Variants in SENP7 observed in about 807,000 individuals in gnomAD.
SENP7 encodes sentrin-specific protease 7.
SENP7 carries 64 observed loss-of-function variants against 141.2 expected under a neutral mutation model. The ratio of observed to expected loss-of-function variants is 0.45; its 90% CI spans 0.37 to 0.56. The LOEUF (loss-of-function observed/expected upper bound fraction) is 0.56, where lower values mean the gene tolerates loss of function less well. Ranked by LOEUF, SENP7 falls within the 20% of genes least tolerant of loss-of-function variation. SENP7 has a pLI of 0.00. For synonymous variants in SENP7, 382 were observed against 426.4 expected (o/e 0.90, Z 1.28); for missense variants, 1,025 against 1,212.2 (o/e 0.85, Z 2.29).
At chr3:101,368,328 T>C (rs2060090461) in intron 7 of SENP7, among the ~76,000 whole-genome samples, 2 of 151,212 alleles carry the variant, frequency 1.3e-5, no homozygotes, top group African/African-American at 4.9e-5. Flanking sequence ...TGCATTTGGC[T>C]GTACTATCAA....
chr3:101,376,607 G>A (rs1013284896), intron 6 of SENP7, among the ~76,000 whole-genome samples: 4 of 151,960 alleles, frequency 2.6e-5, no homozygotes, highest in African/African-American at 7.3e-5. Context: ...ACACAGGAAG[G>A]GGAATATCAC....
At chr3:101,384,565 G>A (rs909932732) in intron 6 of SENP7, among the ~76,000 whole-genome samples, 17 of 152,208 alleles carry the variant, frequency 1.1e-4, no homozygotes, top group Non-Finnish European at 1.6e-4. Flanking sequence ...GCCAGCACCC[G>A]TGCCAGCACC....
At chr3:101,485,067 G>A (rs944133088) in intron 3 of SENP7, among the ~76,000 whole-genome samples, 1 of 151,860 alleles carries the variant, frequency 6.6e-6, no homozygotes, top group Non-Finnish European at 1.5e-5. Flanking sequence ...AATGACCTGG[G>A]AATCTCACCC....
intron 4 of SENP7, among the ~76,000 whole-genome samples, chr3:101,445,956 T>C (rs1400947920): frequency 6.6e-6 from 1 of 152,186 alleles, no homozygotes; most frequent in Non-Finnish European, 1.5e-5. Flanking sequence ...TTCAACATCC[T>C]CTTATATGGT....
chr3:101,483,642 T>C (rs1251550923), intron 3 of SENP7, among the ~76,000 whole-genome samples: 4 of 152,158 alleles, frequency 2.6e-5, no homozygotes, highest in East Asian at 3.8e-4. Context: ...AAGAAAACGG[T>C]ATTTTCAACA....
chr3:101,367,595 C>T (rs1250121757), intron 8 of SENP7, among the ~76,000 whole-genome samples: 2 of 152,032 alleles, frequency 1.3e-5, no homozygotes, highest in Admixed American at 6.6e-5. Flanking sequence ...AGAAAATAAG[C>T]AATTTTAACT....
intron 6 of SENP7, among the ~76,000 whole-genome samples, chr3:101,376,256 A>C (rs1200425462): frequency 1.3e-5 from 2 of 152,192 alleles, no homozygotes; most frequent in Non-Finnish European, 2.9e-5. Flanking sequence ...GGAAGATGGA[A>C]AAAGTCCTGG....
intron 5 of SENP7, among the ~76,000 whole-genome samples, chr3:101,404,390 G>C (rs867967076): frequency 2.0e-5 from 3 of 151,990 alleles, no homozygotes; most frequent in Admixed American, 6.6e-5. Context: ...AATTGAACCC[G>C]ATTTTTACAC....
Position 101,343,833 on chromosome 3 carries a change from G to A in SENP7, c.1959C>T (p.Tyr653=), listed in dbSNP as rs1240469397. 1.2e-6 allele frequency: 2 copies of A among 1,613,822 alleles called. No homozygotes were observed. Among genetic ancestry groups the A allele is most frequent in the Admixed American group, 3.3e-5 (2 of 59,990 alleles). Residue 653 remains tyrosine (Y), a synonymous_variant, in exon 14 of 24, where the codon TAC becomes TAT. Coordinates refer to ENST00000394095, the MANE Select transcript of SENP7 (RefSeq NM_020654.5). ...SIISGELELS[Y]PLSWVQAFPL... ...GAAATGCCTGAACCCAAGACAACGG[G>A]TAAGAAAGCTCTAATTCTCCACTGA...
chr3:101,334,593 T>C (rs912883610), intron 17 of SENP7, among the ~76,000 whole-genome samples: 8 of 152,198 alleles, frequency 5.3e-5, no homozygotes, highest in African/African-American at 1.9e-4. Flanking sequence ...TTAGACACTA[T>C]GTGGAAGATT....
intron 17 of SENP7, among the ~76,000 whole-genome samples, chr3:101,334,752 G>A (rs1332345898): frequency 6.6e-6 from 1 of 152,122 alleles, no homozygotes; most frequent in Non-Finnish European, 1.5e-5. Context: ...TAGACATCTG[G>A]TTTTATATTG....
chr3:101,436,890 A>G (rs2062409611), intron 4 of SENP7, among the ~76,000 whole-genome samples: 1 of 152,246 alleles, frequency 6.6e-6, no homozygotes, highest in Admixed American at 6.5e-5. Flanking sequence ...AAAACTGAAA[A>G]TTGAACTACC....
intron 6 of SENP7, among the ~76,000 whole-genome samples, chr3:101,385,574 GAGA>G (rs2060630027): frequency 6.6e-6 from 1 of 152,164 alleles, no homozygotes; most frequent in Non-Finnish European, 1.5e-5. Context: ...CACACAGCCA[GAGA>G]ATACATCTTG....
At chr3:101,499,836 A>T (rs1559916207) in intron 2 of SENP7, among the ~76,000 whole-genome samples, 2 of 151,888 alleles carry the variant, frequency 1.3e-5, no homozygotes, top group African/African-American at 2.4e-5. Context: ...CGCCCGGCCA[A>T]TTTTTGTATT....
At chr3:101,471,963 C>T (rs55721154) in intron 3 of SENP7, among the ~76,000 whole-genome samples, 60,436 of 152,048 alleles carry the variant, frequency 0.4, 12,526 homozygotes, top group Admixed American at 0.54. Flanking sequence ...TACCATCTCA[C>T]GCCAGTTACA....
At chr3:101,382,035 G>T (rs146573457) in intron 6 of SENP7, among the ~76,000 whole-genome samples, 1 of 152,104 alleles carries the variant, frequency 6.6e-6, no homozygotes, top group African/African-American at 2.4e-5. Context: ...TCCCTCTGTT[G>T]GAAGTCTATA....
intron 3 of SENP7, among the ~76,000 whole-genome samples, chr3:101,462,648 G>A (rs1020676699): frequency 4.6e-5 from 7 of 151,280 alleles, no homozygotes; most frequent in African/African-American, 1.5e-4. Context: ...TGGATGGATC[G>A]CTAGAGGCCA....
rs374418823 is a variant in SENP7 at position 101,400,280 on chromosome 3, C to T, written c.483-1225G>A. On this transcript the variant is annotated intron_variant, in intron 5 of 23. Transcript: ENST00000394095. Reference sequence around the variant, plus strand: ...TGCCACTAGCAATACTTTACTTATACTTTGTTTGTAAGAAACAATATATAG... The same window carrying T: ...TGCCACTAGCAATACTTTACTTATATTTTGTTTGTAAGAAACAATATATAG... 2.4e-4 allele frequency among the ~76,000 whole-genome samples: 37 copies of T among 152,286 alleles called. No homozygotes were observed. The East Asian group carries it at 4.6e-3, about 19-fold the overall frequency.
At chr3:101,381,181 A>C (rs1356866837) in intron 6 of SENP7, among the ~76,000 whole-genome samples, 1 of 152,218 alleles carries the variant, frequency 6.6e-6, no homozygotes, top group African/African-American at 2.4e-5. Context: ...TCTATTTTTT[A>C]ATAGAAGGTG....
Sources: gnomAD v4.1 joint callset for allele counts (sites outside exome capture counted in the v4.1 genomes callset) on GRCh38, gnomAD v4.1.1 for gene constraint, MANE v1.5 for transcripts, NCBI Gene and HGNC (gene_info 2026-07-23, HGNC 2026-07-21) for gene names.